The following LRP1B variants were observed in gnomAD, a reference collection of about 807,000 sequenced individuals.
The protein encoded by LRP1B is LDL receptor related protein 1B.
LRP1B carries 217 observed loss-of-function variants against 556.6 expected under a neutral mutation model. That is an observed-to-expected ratio of 0.39 (90% CI 0.35 to 0.44). LRP1B has a LOEUF of 0.44. Among genes scored for constraint, LRP1B ranks in the 20% least tolerant of loss-of-function variants. The pLI, the probability that LRP1B is intolerant of heterozygous loss-of-function variation, is 1.00. For synonymous variants in LRP1B, 2,047 were observed against 1,865.8 expected (o/e 1.10, Z -2.50); for missense variants, 5,053 against 5,620.8 (o/e 0.90, Z 3.23).
intron 2 of LRP1B, among the ~76,000 whole-genome samples, chr2:141,735,144 TTTTG>T (rs56164987): frequency 0.8 from 120,653 of 150,282 alleles, 49,788 homozygotes; most frequent in Non-Finnish European, 0.89. Context: ...TCATTTTGTT[TTTTG>T]TTTGTTTGTT....
intron 35 of LRP1B, among the ~76,000 whole-genome samples, chr2:140,732,185 T>C (rs960907379): frequency 4.6e-5 from 7 of 152,120 alleles, no homozygotes; most frequent in African/African-American, 1.7e-4. Context: ...TCTACTTTTT[T>C]TTTTAATGTT....
intron 7 of LRP1B, among the ~76,000 whole-genome samples, chr2:141,105,809 G>A (rs1700589517): frequency 6.6e-6 from 1 of 152,030 alleles, no homozygotes; most frequent in African/African-American, 2.4e-5. Flanking sequence ...TTTTCAAAAT[G>A]TATTTTTTTG....
At position 141,427,668 on chromosome 2, in the gene LRP1B, G is replaced by GT. The variant is rs529636318; in HGVS notation, c.343+52727dup. Among the ~76,000 whole-genome samples the GT allele has an allele frequency of 1.4e-3, 219 of 152,094 alleles. 1 individual carries two copies. The highest frequency in any genetic ancestry group is 2.6e-3 in the Non-Finnish European group (180 of 67,978). ...TAATATTTTCATTTTCAAGTACTGG[G>GT]TTTTTTGTTTTGTTTTGTTTTTGTG... On this transcript the variant is annotated intron_variant, in intron 3 of 90. Transcript: ENST00000389484.
intron 3 of LRP1B, among the ~76,000 whole-genome samples, chr2:141,351,468 T>C (rs976294019): frequency 6.6e-6 from 1 of 152,012 alleles, no homozygotes; most frequent in African/African-American, 2.4e-5. Context: ...CTGTTCTATA[T>C]ACAAATAGTG....
intron 2 of LRP1B, among the ~76,000 whole-genome samples, chr2:141,797,617 C>A (rs573082422): frequency 6.6e-6 from 1 of 151,952 alleles, no homozygotes; most frequent in Non-Finnish European, 1.5e-5. Flanking sequence ...AGTCCTTTTC[C>A]TAATGGAAGA....
chr2:141,573,954 A>G (rs1480837950), intron 2 of LRP1B, among the ~76,000 whole-genome samples: 2 of 152,146 alleles, frequency 1.3e-5, no homozygotes, highest in African/African-American at 4.8e-5. Context: ...GCAGTAATTA[A>G]TAGGCTACCA....
At chr2:140,555,025 T>C (rs1031621607) in intron 43 of LRP1B, among the ~76,000 whole-genome samples, 1 of 151,984 alleles carries the variant, frequency 6.6e-6, no homozygotes, top group African/African-American at 2.4e-5. Context: ...AGGATCAAAC[T>C]CATACCTTTG....
chr2:140,819,271 AACTG>A (rs1172984056), intron 31 of LRP1B, among the ~76,000 whole-genome samples: 1 of 152,194 alleles, frequency 6.6e-6, no homozygotes, highest in Non-Finnish European at 1.5e-5. Context: ...GTAATCTCAC[AACTG>A]ATAATTTGGA....
chr2:141,296,601 C>T (rs1686190635), intron 3 of LRP1B, among the ~76,000 whole-genome samples: 1 of 152,030 alleles, frequency 6.6e-6, no homozygotes, highest in African/African-American at 2.4e-5. Context: ...TACTCAATGC[C>T]TAGAATAGGT....
At chr2:141,703,181 G>T (rs999671363) in intron 2 of LRP1B, among the ~76,000 whole-genome samples, 1 of 151,828 alleles carries the variant, frequency 6.6e-6, no homozygotes, top group Non-Finnish European at 1.5e-5. Context: ...TTAGAAAAGT[G>T]TATGAATAAG....
At chr2:141,597,249 A>G (rs549421029) in intron 2 of LRP1B, among the ~76,000 whole-genome samples, 5 of 151,938 alleles carry the variant, frequency 3.3e-5, no homozygotes, top group Admixed American at 6.6e-5. Flanking sequence ...TCTTGTTTCC[A>G]ATATCACTCT....
At chr2:141,952,774 C>G (rs868233805) in intron 1 of LRP1B, among the ~76,000 whole-genome samples, 10 of 152,224 alleles carry the variant, frequency 6.6e-5, no homozygotes, top group Middle Eastern at 3.4e-3. Flanking sequence ...CATTTTCTTT[C>G]AAATTATCTT....
At chr2:140,639,849 C>G (rs1684211290) in intron 41 of LRP1B, among the ~76,000 whole-genome samples, 1 of 152,170 alleles carries the variant, frequency 6.6e-6, no homozygotes, top group Non-Finnish European at 1.5e-5. Context: ...CTTTCTAACT[C>G]TCTCCAGCCA....
chr2:140,934,839 T>G (rs1017425985), intron 20 of LRP1B, among the ~76,000 whole-genome samples: 7 of 152,170 alleles, frequency 4.6e-5, no homozygotes, highest in Admixed American at 4.6e-4. Context: ...CCCTCTTACT[T>G]TCATTTCATT....
At position 142,090,268 on chromosome 2, in the gene LRP1B, A is replaced by T. The variant is rs144581897; in HGVS notation, c.82+40380T>A. On this transcript the variant is annotated intron_variant, in intron 1 of 90. Coordinates refer to ENST00000389484, the MANE Select transcript of LRP1B (RefSeq NM_018557.3). ...CTTGGTTTTATCACCAGTAAACAAT[A>T]ATGATAATAACCAAATTTCAAGTTT... Among the ~76,000 whole-genome samples, 529 of 152,226 alleles carry T rather than the reference A, an allele frequency of 3.5e-3. 2 individuals carry two copies. Among genetic ancestry groups the T allele is most frequent in the African/African-American group, 0.012 (482 of 41,566 alleles).
intron 1 of LRP1B, among the ~76,000 whole-genome samples, chr2:142,081,904 A>G (rs1705732858): frequency 6.6e-6 from 1 of 152,160 alleles, no homozygotes; most frequent in African/African-American, 2.4e-5. Context: ...TATTTTACAG[A>G]GGGTAAAAAG....
intron 1 of LRP1B, among the ~76,000 whole-genome samples, chr2:142,093,014 A>T (rs893975189): frequency 1.4e-4 from 22 of 152,096 alleles, no homozygotes; most frequent in African/African-American, 5.3e-4. Context: ...GTGATCTCCC[A>T]TCTACAAATC....
chr2:141,202,576 G>A (rs1001069135), intron 6 of LRP1B, among the ~76,000 whole-genome samples: 10 of 151,830 alleles, frequency 6.6e-5, no homozygotes, highest in Admixed American at 2.0e-4. Flanking sequence ...CCTCGCCAGC[G>A]TATGTTATTT....
At chr2:141,186,904 G>A (rs1261472092) in intron 7 of LRP1B, among the ~76,000 whole-genome samples, 2 of 151,976 alleles carry the variant, frequency 1.3e-5, no homozygotes, top group Non-Finnish European at 2.9e-5. Flanking sequence ...AATGGGGAAG[G>A]ATAAGAGCAG....
Sources: allele counts gnomAD v4.1 joint callset (sites outside exome capture counted in the v4.1 genomes callset), GRCh38; gene constraint gnomAD v4.1.1; transcripts MANE v1.5; gene names NCBI Gene and HGNC (gene_info 2026-07-23, HGNC 2026-07-21).